The following SLC14A2 variants were observed in gnomAD, a reference collection of about 807,000 sequenced individuals.
SLC14A2 encodes the protein solute carrier family 14 member 2.
In SLC14A2, 91 loss-of-function variants were observed where a neutral mutation model predicts 104.6. That is an observed-to-expected ratio of 0.87 (90% CI 0.73 to 1.04). The LOEUF (loss-of-function observed/expected upper bound fraction) is 1.04. Ranked by LOEUF, SLC14A2 falls within the 50% of genes least tolerant of loss-of-function variation. The pLI is 0.00. For missense variants in SLC14A2, 1,189 were observed against 1,156.0 expected (o/e 1.03, Z -0.41); for synonymous variants, 476 against 466.4 (o/e 1.02, Z -0.27).
intron 1 of SLC14A2, among the ~76,000 whole-genome samples, chr18:45,398,304 T>C (rs1340819196): frequency 6.6e-6 from 1 of 152,146 alleles, no homozygotes; most frequent in African/African-American, 2.4e-5. Context: ...GTTAATTTCC[T>C]ACCAAAATCA....
At chr18:45,487,373 C>T (rs1213025236) in intron 2 of SLC14A2, among the ~76,000 whole-genome samples, 1 of 152,160 alleles carries the variant, frequency 6.6e-6, no homozygotes, top group East Asian at 1.9e-4. Context: ...GAATAATCTC[C>T]CTATCTTGAG....
intron 1 of SLC14A2, among the ~76,000 whole-genome samples, chr18:45,411,707 G>A (rs1205819898): frequency 6.6e-6 from 1 of 152,136 alleles, no homozygotes; most frequent in African/African-American, 2.4e-5. Flanking sequence ...GGCCACTGAG[G>A]ACCACTCAGC....
chr18:45,589,380 A>ACAC (rs1568288439), intron 2 of SLC14A2, among the ~76,000 whole-genome samples: 1 of 151,934 alleles, frequency 6.6e-6, no homozygotes, highest in Non-Finnish European at 1.5e-5. Flanking sequence ...AGTGCACACA[A>ACAC]ACACACACAC....
rs779315218 is a variant in SLC14A2, at chr18:45,673,749, C to G, written c.2444C>G (p.Ala815Gly). 3.7e-6 allele frequency: 6 copies of G among 1,614,170 alleles called. No homozygotes were observed. In the South Asian group the frequency reaches 6.6e-5, roughly 18 times the overall value. The change falls in exon 18 of 20, where the codon GCA becomes GGA. Residue 815 changes from alanine (A) to glycine (G), a missense_variant. Coordinates refer to ENST00000255226, the MANE Select transcript of SLC14A2 (RefSeq NM_007163.4). ...FGLCGFNSTL[A>G]CIAIGGMFYV... ...CTGTGTGGCTTCAACAGCACCCTCG[C>G]ATGCATAGCGATAGGAGGCATGTTC...
chr18:45,623,241 T>G (rs1207980055), intron 1 of SLC14A2, among the ~76,000 whole-genome samples: 1 of 152,164 alleles, frequency 6.6e-6, no homozygotes, highest in East Asian at 1.9e-4. Flanking sequence ...AAGCCCATGC[T>G]GGGACTGTGG....
intron 2 of SLC14A2, among the ~76,000 whole-genome samples, chr18:45,547,077 A>G (rs181967882): frequency 6.6e-6 from 1 of 152,308 alleles, no homozygotes; most frequent in African/African-American, 2.4e-5. Context: ...GGCATGGGCT[A>G]ATCAGACGGT....
intron 2 of SLC14A2, among the ~76,000 whole-genome samples, chr18:45,563,801 T>C (rs986675767): frequency 6.6e-6 from 1 of 152,238 alleles, no homozygotes; most frequent in Non-Finnish European, 1.5e-5. Context: ...TGTACTTTAT[T>C]ATTCACGGTT....
chr18:45,626,095 G>C (rs1402515596), intron 3 of SLC14A2, among the ~76,000 whole-genome samples: 3 of 152,144 alleles, frequency 2.0e-5, no homozygotes, highest in African/African-American at 7.2e-5. Flanking sequence ...CATGGTTTCA[G>C]AATTAAATGC....
chr18:45,214,973 T>C (rs943496074), intron 1 of SLC14A2, among the ~76,000 whole-genome samples: 1 of 150,896 alleles, frequency 6.6e-6, no homozygotes, highest in Admixed American at 6.6e-5. Flanking sequence ...CCTAATAGCT[T>C]ATATCCAGTG....
chr18:45,361,648 AGGGACACTGTGG>A (rs2085612461), intron 1 of SLC14A2, among the ~76,000 whole-genome samples: 1 of 152,164 alleles, frequency 6.6e-6, no homozygotes, highest in Non-Finnish European at 1.5e-5. Context: ...CCTGCACCCA[AGGGACACTGTGG>A]GGGCATAAGA....
intron 1 of SLC14A2, among the ~76,000 whole-genome samples, chr18:45,411,495 A>C (rs553378634): frequency 3.9e-5 from 6 of 152,304 alleles, no homozygotes; most frequent in African/African-American, 1.2e-4. Context: ...AACAGATTTG[A>C]GTCTTCCCCA....
chr18:45,538,849 C>CTT (rs1568266475), intron 2 of SLC14A2, among the ~76,000 whole-genome samples: 9 of 128,556 alleles, frequency 7.0e-5, no homozygotes, highest in African/African-American at 2.5e-4. Context: ...CTCCCCCTTC[C>CTT]CTTTTTTTTT....
chr18:45,555,119 A>G (rs768201744), intron 2 of SLC14A2, among the ~76,000 whole-genome samples: 1 of 152,212 alleles, frequency 6.6e-6, no homozygotes, highest in African/African-American at 2.4e-5. Context: ...GCTGTGACCA[A>G]GTTAATTCCT....
chr18:45,178,384 A>G, the SLC14A2 span, among the ~76,000 whole-genome samples: 3 of 152,070 alleles, frequency 2.0e-5, no homozygotes, highest in Admixed American at 1.3e-4. Flanking sequence ...GATGAGTAAG[A>G]TTAAAAAAAT....
At chr18:45,426,951 A>T (rs2086442105) in intron 1 of SLC14A2, among the ~76,000 whole-genome samples, 1 of 152,046 alleles carries the variant, frequency 6.6e-6, no homozygotes, top group African/African-American at 2.4e-5. Flanking sequence ...TTGCATTGCC[A>T]CCACCTCCTT....
At chr18:45,267,956 G>A (rs2084609389) in intron 1 of SLC14A2, among the ~76,000 whole-genome samples, 1 of 152,140 alleles carries the variant, frequency 6.6e-6, no homozygotes, top group African/African-American at 2.4e-5. Context: ...ATCCATGACT[G>A]TAAAAATTTT....
the SLC14A2 span, among the ~76,000 whole-genome samples, chr18:45,206,417 A>G: frequency 6.7e-6 from 1 of 149,600 alleles, no homozygotes; most frequent in South Asian, 2.1e-4. Flanking sequence ...ACACATACAC[A>G]TACACACACA....
At chr18:45,569,081 G>A (rs2044309121) in intron 2 of SLC14A2, among the ~76,000 whole-genome samples, 1 of 152,178 alleles carries the variant, frequency 6.6e-6, no homozygotes, top group South Asian at 2.1e-4. Context: ...ACCGATTCTA[G>A]CCTAAGTTGC....
intron 11 of SLC14A2, among the ~76,000 whole-genome samples, chr18:45,665,688 C>CTTTTTTTTTTTTTTTTT (rs146248418): frequency 5.0e-5 from 4 of 79,294 alleles, no homozygotes; most frequent in East Asian, 4.9e-4. Flanking sequence ...AACCAAGTTT[C>CTTTTTTTTTTTTTTTTT]TTTTTTTTTT....
Sources: allele counts gnomAD v4.1 joint callset (sites outside exome capture counted in the v4.1 genomes callset), GRCh38; gene constraint gnomAD v4.1.1; transcripts MANE v1.5; gene names NCBI Gene and HGNC (gene_info 2026-07-23, HGNC 2026-07-21).